Variants in DLGAP2 observed in about 807,000 individuals in gnomAD.
DLGAP2 encodes the protein disks large-associated protein 2.
DLGAP2 carries 26 observed loss-of-function variants against 100.3 expected under a neutral mutation model. That is an observed-to-expected ratio of 0.26 (90% CI 0.19 to 0.36). The LOEUF (loss-of-function observed/expected upper bound fraction) is 0.36, where lower values mean the gene tolerates loss of function less well. Ranked by LOEUF, DLGAP2 falls within the 10% of genes least tolerant of loss-of-function variation. The pLI, the probability that DLGAP2 is intolerant of heterozygous loss-of-function variation, is 1.00. For missense variants in DLGAP2, 1,858 were observed against 1,453.2 expected (o/e 1.28, Z -4.53); for synonymous variants, 886 against 630.1 (o/e 1.41, Z -6.08).
chr8:1,297,661 G>A (rs1800217681), intron 3 of DLGAP2, among the ~76,000 whole-genome samples: 1 of 128,574 alleles, frequency 7.8e-6, no homozygotes, highest in Admixed American at 7.8e-5. Context: ...CACCACGTGA[G>A]ACAGGGAGGA....
chr8:1,262,030 C>G (rs11136373), intron 3 of DLGAP2, among the ~76,000 whole-genome samples: 102,330 of 152,084 alleles, frequency 0.67, 35,061 homozygotes, highest in African/African-American at 0.8. Context: ...ACAGCCTTCC[C>G]TGGCTAAGCC....
chr8:783,177 T>G (rs1428474197), intron 1 of DLGAP2, among the ~76,000 whole-genome samples: 15 of 152,238 alleles, frequency 9.9e-5, no homozygotes, highest in Admixed American at 8.5e-4. Context: ...GTATCCCAGA[T>G]ATTAATACAT....
At chr8:1,036,348 T>A (rs1802123260) in intron 2 of DLGAP2, among the ~76,000 whole-genome samples, 1 of 152,244 alleles carries the variant, frequency 6.6e-6, no homozygotes, top group Non-Finnish European at 1.5e-5. Context: ...GGATGCTGGC[T>A]TGGGGAGGAC....
intron 2 of DLGAP2, among the ~76,000 whole-genome samples, chr8:956,647 A>G (rs775983149): frequency 1.3e-5 from 2 of 152,222 alleles, no homozygotes; most frequent in Non-Finnish European, 2.9e-5. Context: ...CTACACCCAC[A>G]TTCCATTTAC....
chr8:1,281,002 G>A (rs946492933), intron 3 of DLGAP2, among the ~76,000 whole-genome samples: 9 of 152,182 alleles, frequency 5.9e-5, no homozygotes, highest in Non-Finnish European at 1.3e-4. Flanking sequence ...ATAGCTCCAC[G>A]ACCTTGGTCA....
At chr8:899,920 G>A (rs1798216559) in intron 1 of DLGAP2, among the ~76,000 whole-genome samples, 1 of 152,208 alleles carries the variant, frequency 6.6e-6, no homozygotes. Context: ...CGTGGGACAT[G>A]CACCCTCCCT....
At chr8:1,173,617 C>T (rs1303098021) in intron 2 of DLGAP2, among the ~76,000 whole-genome samples, 2 of 152,252 alleles carry the variant, frequency 1.3e-5, no homozygotes, top group East Asian at 3.9e-4. Flanking sequence ...CTCCCTGCCG[C>T]CTAGTTTGAT....
At chr8:1,652,765 TAAAG>T (rs1015051936) in intron 8 of DLGAP2, among the ~76,000 whole-genome samples, 41 of 152,166 alleles carry the variant, frequency 2.7e-4, no homozygotes, top group African/African-American at 8.9e-4. Context: ...TATTTTAAAA[TAAAG>T]AATAACATGC....
rs192310166 is a variant in DLGAP2, at chr8:1,487,796, G to A, written c.107-13570G>A. Reference sequence around the variant, plus strand: ...AGGTCCTCATCCTCAAGGGCTGGTCGAGTACGAGTAGTCGGTGAAGCTTCA... The same window carrying A: ...AGGTCCTCATCCTCAAGGGCTGGTCAAGTACGAGTAGTCGGTGAAGCTTCA... On this transcript the variant is annotated intron_variant, in intron 3 of 14. Coordinates refer to ENST00000637795, the MANE Select transcript of DLGAP2 (RefSeq NM_001346810.2). Among the ~76,000 whole-genome samples, 29 of 152,308 alleles carry A rather than the reference G, an allele frequency of 1.9e-4. No individual in the cohort carries two copies. In the East Asian group the frequency reaches 5.2e-3, roughly 27 times the overall value.
intron 6 of DLGAP2, among the ~76,000 whole-genome samples, chr8:1,617,599 A>G (rs1343780548): frequency 6.6e-6 from 1 of 152,146 alleles, no homozygotes; most frequent in African/African-American, 2.4e-5. Context: ...TTCCTTATAG[A>G]TGCTGGGTAT....
At chr8:900,302 G>C (rs940247672) in intron 1 of DLGAP2, among the ~76,000 whole-genome samples, 1 of 148,714 alleles carries the variant, frequency 6.7e-6, no homozygotes, top group African/African-American at 2.5e-5. Context: ...CCGGGCGGAC[G>C]GTGGGCGCCC....
intron 1 of DLGAP2, among the ~76,000 whole-genome samples, chr8:746,490 C>T (rs1180700609): frequency 6.6e-6 from 1 of 152,218 alleles, no homozygotes; most frequent in Non-Finnish European, 1.5e-5. Context: ...GCGCAGCCTC[C>T]ACCATCCAGT....
chr8:1,332,826 C>G (rs959841887), intron 3 of DLGAP2, among the ~76,000 whole-genome samples: 1 of 152,150 alleles, frequency 6.6e-6, no homozygotes, highest in Non-Finnish European at 1.5e-5. Flanking sequence ...TCAGCGTAGC[C>G]GGGATGAATG....
intron 1 of DLGAP2, among the ~76,000 whole-genome samples, chr8:788,319 G>C (rs556716873): frequency 6.6e-6 from 1 of 152,186 alleles, no homozygotes; most frequent in Non-Finnish European, 1.5e-5. Flanking sequence ...ATTCAGTCGA[G>C]GCCTTGGCAT....
At position 1,095,623 on chromosome 8, in the gene DLGAP2, G is replaced by A. The variant is rs181974078; in HGVS notation, c.74-163228G>A. ...GTAAACCATTTTCCGAGTGCTGGGC[G>A]CACAGCCAGGACACACAGTGAGGAC... is the stretch of plus-strand genomic sequence containing the variant. On this transcript the variant is annotated intron_variant, in intron 2 of 14. Coordinates refer to ENST00000637795, the MANE Select transcript of DLGAP2 (RefSeq NM_001346810.2). Among the ~76,000 whole-genome samples, 122 of 152,284 alleles carry A rather than the reference G, an allele frequency of 8.0e-4. 1 individual carries two copies. Among genetic ancestry groups the A allele is most frequent in the African/African-American group, 2.6e-3 (107 of 41,558 alleles).
In DLGAP2 at chr8:1,444,516, T is replaced by C. The variant is rs547972672; in HGVS notation, c.107-56850T>C. Among the ~76,000 whole-genome samples the C allele has an allele frequency of 3.9e-5, 6 of 152,282 alleles. No homozygotes were observed. The South Asian group carries it at 8.3e-4, about 21-fold the overall frequency. Reference sequence around the variant, plus strand: ...GCATGGTGGGTCTTTGCATTTCTTATGGAATTTTTTAAGAGAGAAAGAGAC... The same window carrying C: ...GCATGGTGGGTCTTTGCATTTCTTACGGAATTTTTTAAGAGAGAAAGAGAC... On this transcript the variant is annotated intron_variant, in intron 3 of 14. Transcript: ENST00000637795.
intron 9 of DLGAP2, among the ~76,000 whole-genome samples, chr8:1,669,076 G>A (rs571752926): frequency 7.2e-5 from 11 of 152,340 alleles, no homozygotes; most frequent in African/African-American, 2.2e-4. Context: ...TTTCGGTATT[G>A]TGGCCAAAGA....
At chr8:934,556 C>T (rs1292852558) in intron 2 of DLGAP2, among the ~76,000 whole-genome samples, 3 of 152,180 alleles carry the variant, frequency 2.0e-5, no homozygotes, top group East Asian at 1.9e-4. Context: ...CTGCGCCTCC[C>T]AGGGGGTGGA....
intron 1 of DLGAP2, among the ~76,000 whole-genome samples, chr8:897,788 T>C (rs1306115215): frequency 6.6e-6 from 1 of 152,222 alleles, no homozygotes; most frequent in Admixed American, 6.5e-5. Context: ...CTTTTCCTTA[T>C]GACACTGATG....
Sources: allele counts gnomAD v4.1 joint callset (sites outside exome capture counted in the v4.1 genomes callset), GRCh38; gene constraint gnomAD v4.1.1; transcripts MANE v1.5; gene names NCBI Gene and HGNC (gene_info 2026-07-23, HGNC 2026-07-21).